The following RP1L1 variants were observed in gnomAD, a reference collection of about 807,000 sequenced individuals.
RP1L1 encodes retinitis pigmentosa 1-like 1 protein.
In RP1L1, 27 loss-of-function variants were observed where a neutral mutation model predicts 15.7. The ratio of observed to expected loss-of-function variants is 1.72; its 90% confidence interval spans 1.27 to 2.38. RP1L1 has a LOEUF of 2.38. Ranked by LOEUF, RP1L1 falls within the 30% of genes most tolerant of loss-of-function variation. RP1L1 has a pLI of 0.00. For synonymous variants in RP1L1, 1,813 were observed against 1,276.7 expected (o/e 1.42, Z -8.96); for missense variants, 4,798 against 3,075.9 (o/e 1.56, Z -13.24).
chr8:10,637,128 G>A (rs1476348013), intron 1 of RP1L1, among the ~76,000 whole-genome samples: 1 of 152,208 alleles, frequency 6.6e-6, no homozygotes, highest in African/African-American at 2.4e-5. Context: ...CCATAGAGCA[G>A]GCAAGGAGAC....
At chr8:10,622,315 C>T (rs1372475650) in intron 2 of RP1L1, among the ~76,000 whole-genome samples, 1 of 135,324 alleles carries the variant, frequency 7.4e-6, no homozygotes, top group Non-Finnish European at 1.6e-5. Flanking sequence ...AGTTAAACTC[C>T]ATCTCGAAAA....
chr8:10,638,851 G>A (rs1798367138), intron 1 of RP1L1, among the ~76,000 whole-genome samples: 1 of 152,144 alleles, frequency 6.6e-6, no homozygotes, highest in African/African-American at 2.4e-5. Context: ...CTCTGATAGA[G>A]CAAGCAAGCA....
At chr8:10,638,885 C>A (rs1270002579) in intron 1 of RP1L1, among the ~76,000 whole-genome samples, 3 of 152,114 alleles carry the variant, frequency 2.0e-5, no homozygotes, top group Non-Finnish European at 4.4e-5. Flanking sequence ...TGGCTCACAC[C>A]TGTAATCCCA....
At chr8:10,634,423 G>A (rs746019726) in intron 1 of RP1L1, among the ~76,000 whole-genome samples, 4 of 152,162 alleles carry the variant, frequency 2.6e-5, no homozygotes, top group African/African-American at 4.8e-5. Context: ...GCTCCTCCCG[G>A]CATATGGACC....
chr8:10,608,798 G>C lies in RP1L1; in HGVS notation c.5300C>G (p.Ala1767Gly). ...DPKLGEAEGD[A>G]MAQEREGKTH... ...TTTCCCTTCTCTCTCCTGAGCCATT[G>C]CATCTCCCTCTGCCTCCCCGAGTTT... The change falls in exon 4 of 4, where the codon GCA (alanine) becomes GGA (glycine). Residue 1767 changes from alanine (A) to glycine (G), a missense_variant. Transcript: ENST00000382483. 2.5e-6 allele frequency: 4 copies of C among 1,614,108 alleles called. No homozygotes were observed. Among genetic ancestry groups the C allele is most frequent in the Non-Finnish European group, 3.4e-6 (4 of 1,180,042 alleles).
chr8:10,608,888 C>A lies in RP1L1; in HGVS notation c.5210G>T (p.Gly1737Val). The change falls in exon 4 of 4, where the codon GGG becomes GTG. Residue 1737 changes from glycine to valine, a missense_variant. Coordinates refer to ENST00000382483, the MANE Select transcript of RP1L1 (RefSeq NM_178857.6). ...ATCCTCACCCTCGTCCACTCCAGGC[C>A]CCTGGCTCAGCCCCGGCCCCAGCCC... is the stretch of plus-strand genomic sequence containing the variant. Reference protein sequence around the residue: ...EGGLGPGLSQGPGVDEGEDGE... With the variant: ...EGGLGPGLSQVPGVDEGEDGE... 6.2e-7 allele frequency: 1 copy of A among 1,613,976 alleles called. No homozygotes were observed. The highest frequency in any genetic ancestry group is 1.7e-5 in the Admixed American group (1 of 60,026).
intron 1 of RP1L1, among the ~76,000 whole-genome samples, chr8:10,625,926 A>G (rs559141805): frequency 6.7e-6 from 1 of 150,180 alleles, no homozygotes; most frequent in African/African-American, 2.5e-5. Flanking sequence ...GCATTGTGGG[A>G]TGGAAAAGGA....
At position 10,610,908 on chromosome 8, in the gene RP1L1, C is replaced by A. The variant is rs767793027; in HGVS notation, c.3190G>T (p.Ala1064Ser). ...AGGCTCACCCTGCAGCCTGCTGGGG[C>A]CTCTCTGTCTGCTCCGGCCTCTGCA... ...APAEAGADREAPAGCRVSLRA... is the reference protein window; with the variant it reads ...APAEAGADRESPAGCRVSLRA... Residue 1064 changes from alanine (A) to serine (S), a missense_variant, in exon 4 of 4, where the codon GCC (alanine) becomes TCC (serine). By Grantham distance (99) the Ala-to-Ser change is moderately conservative. Coordinates refer to ENST00000382483, the MANE Select transcript of RP1L1 (RefSeq NM_178857.6). The A allele has an allele frequency of 3.7e-6, 6 of 1,610,796 alleles. No homozygotes were observed. The highest frequency in any genetic ancestry group is 3.3e-5 in the South Asian group (3 of 90,918).
rs1798087628 is a variant in RP1L1 at position 10,622,861 on chromosome 8, C to T, written c.341G>A (p.Ser114Asn). Residue 114 changes from serine to asparagine, a missense_variant, in exon 2 of 4, where the codon AGT (serine) becomes AAT (asparagine). By Grantham distance (46) the Ser-to-Asn change is conservative. Transcript: ENST00000382483. ...TCTCTCCTGTGGCCGGCCTGGTCCACTGGGGGTCTTGGGGGGCTTCTTATC... is the reference window on the plus strand; with the variant it reads ...TCTCTCCTGTGGCCGGCCTGGTCCATTGGGGGTCTTGGGGGGCTTCTTATC... The part of the protein sequence containing the change: ...CSDKKPPKTP[S>N]GPGRPQERNP... 2 of 1,613,180 alleles carry T rather than the reference C, an allele frequency of 1.2e-6. No homozygotes were observed. Among genetic ancestry groups the T allele is most frequent in the African/African-American group, 2.7e-5 (2 of 75,002 alleles).
In RP1L1 at chr8:10,609,551, G is replaced by A. The variant is rs1014290377; in HGVS notation, c.4547C>T (p.Pro1516Leu). ...VACSAALDCD[P>L]IWVSVLLKKT... ...CTTCAGTAACACGGACACCCAGATG[G>A]GGTCGCAGTCCAGAGCCGCGCTGCA... Residue 1516 changes from proline (P) to leucine (L), a missense_variant, in exon 4 of 4, where the codon CCC (proline) becomes CTC (leucine). By Grantham distance (98) the Pro-to-Leu change is moderately conservative. Transcript: ENST00000382483. 3.7e-6 allele frequency: 6 copies of A among 1,604,666 alleles called. No homozygotes were observed. In the Admixed American group the frequency reaches 6.7e-5, roughly 18 times the overall value.
chr8:10,622,487 C>T (rs1455969178), intron 2 of RP1L1, 106 bp downstream of exon 2: 2 of 1,431,964 alleles, frequency 1.4e-6, no homozygotes, highest in Non-Finnish European at 2.0e-6. Context: ...AGCAGCAGGG[C>T]AATCAAATGC....
At position 10,612,471 on chromosome 8, in the gene RP1L1, C is replaced by T. The variant is rs1797882137; in HGVS notation, c.1627G>A (p.Glu543Lys). 1.2e-6 allele frequency: 2 copies of T among 1,612,596 alleles called. No individual in the cohort carries two copies. Among genetic ancestry groups the T allele is most frequent in the Non-Finnish European group, 1.7e-6 (2 of 1,180,012 alleles). Reference sequence around the variant, plus strand: ...CGCCCACCCCATTCGCTGGATCCCTCATGAGAGCCGGTGCTGGCTGACGAG... The same window carrying T: ...CGCCCACCCCATTCGCTGGATCCCTTATGAGAGCCGGTGCTGGCTGACGAG... ...SDSSASTGSHEGSSEWGGRPQ... is the reference protein window; with the variant it reads ...SDSSASTGSHKGSSEWGGRPQ... The change falls in exon 4 of 4, where the codon GAG becomes AAG. Residue 543 changes from glutamate (E) to lysine (K), a missense_variant. Glu to Lys is a moderately conservative substitution (Grantham distance 56). Coordinates refer to ENST00000382483, the MANE Select transcript of RP1L1 (RefSeq NM_178857.6).
intron 1 of RP1L1, among the ~76,000 whole-genome samples, chr8:10,629,870 A>G (rs1798214492): frequency 1.3e-5 from 2 of 152,106 alleles, no homozygotes; most frequent in Non-Finnish European, 2.9e-5. Flanking sequence ...GCCTGGCATT[A>G]GTGGTCTGTC....
Position 10,608,115 on chromosome 8 carries a change from G to C in RP1L1, c.5983C>G (p.Pro1995Ala), listed in dbSNP as rs538485929. 322 of 1,610,816 alleles carry C rather than the reference G, an allele frequency of 2.0e-4. 2 individuals carry two copies. In the South Asian group the frequency reaches 3.1e-3, roughly 16 times the overall value. Residue 1995 changes from proline (P) to alanine (A), a missense_variant, in exon 4 of 4, where the codon CCA (proline) becomes GCA (alanine). By Grantham distance (27) the Pro-to-Ala change is conservative. Transcript: ENST00000382483. ...GGGGCCTCTACATCTTCTGACTCTGGCTGGGCCTCCCCTTCTGCCTCCTGG... is the reference window on the plus strand; with the variant it reads ...GGGGCCTCTACATCTTCTGACTCTGCCTGGGCCTCCCCTTCTGCCTCCTGG... ...ETQEAEGEAQPESEDVEAPEA... is the reference protein window; with the variant it reads ...ETQEAEGEAQAESEDVEAPEA...
chr8:10,643,352 G>T (rs1389242474), intron 1 of RP1L1, among the ~76,000 whole-genome samples: 1 of 152,066 alleles, frequency 6.6e-6, no homozygotes, highest in Non-Finnish European at 1.5e-5. Flanking sequence ...AAAAAAAATT[G>T]TTTTAGTATC....
intron 1 of RP1L1, among the ~76,000 whole-genome samples, chr8:10,649,003 C>T (rs7018069): frequency 1.3e-5 from 2 of 152,164 alleles, no homozygotes; most frequent in African/African-American, 4.8e-5. Flanking sequence ...TGTAGGCCCT[C>T]GCCTCCCAGC....
intron 1 of RP1L1, among the ~76,000 whole-genome samples, chr8:10,626,370 C>T (rs955392363): frequency 2.6e-5 from 4 of 152,262 alleles, no homozygotes; most frequent in East Asian, 3.9e-4. Context: ...ATATCACACG[C>T]GGATCACCGA....
At position 10,608,090 on chromosome 8, in the gene RP1L1, G is replaced by C; in HGVS notation, c.6008C>G (p.Pro2003Arg). Residue 2003 changes from proline (P) to arginine (R), a missense_variant, in exon 4 of 4, where the codon CCA becomes CGA. Pro to Arg is a moderately radical substitution (Grantham distance 103). Coordinates refer to ENST00000382483, the MANE Select transcript of RP1L1 (RefSeq NM_178857.6). ...AQPESEDVEA[P>R]EAEGEMQEAE... Reference sequence around the variant, plus strand: ...CTCTTGCATCTCCCCTTCAGCCTCTGGGGCCTCTACATCTTCTGACTCTGG... The same window carrying C: ...CTCTTGCATCTCCCCTTCAGCCTCTCGGGCCTCTACATCTTCTGACTCTGG... 36 of 1,596,810 alleles carry C rather than the reference G, an allele frequency of 2.3e-5. No homozygotes were observed. The highest frequency in any genetic ancestry group is 3.1e-5 in the Non-Finnish European group (36 of 1,174,818).
chr8:10,646,777 C>G (rs966461390), intron 1 of RP1L1, among the ~76,000 whole-genome samples: 21 of 152,214 alleles, frequency 1.4e-4, no homozygotes, highest in African/African-American at 5.1e-4. Context: ...CTTATCTGCT[C>G]CACGCCCTCC....
Sources: allele counts gnomAD v4.1 joint callset (sites outside exome capture counted in the v4.1 genomes callset), GRCh38; gene constraint gnomAD v4.1.1; transcripts MANE v1.5; gene names NCBI Gene and HGNC (gene_info 2026-07-23, HGNC 2026-07-21).